Variants in CDC5L observed in about 807,000 individuals in gnomAD.
CDC5L encodes the protein cell division cycle 5-like protein.
A neutral mutation model predicts 104.1 loss-of-function variants in CDC5L; 18 were observed. The ratio of observed to expected loss-of-function variants is 0.17; its 90% CI spans 0.12 to 0.26. The LOEUF (loss-of-function observed/expected upper bound fraction) is 0.26. CDC5L is among the 10% of genes least tolerant of loss of function. The pLI, the probability that CDC5L is intolerant of heterozygous loss-of-function variation, is 1.00. For synonymous variants in CDC5L, 331 were observed against 322.7 expected, an observed-to-expected ratio of 1.03 and a Z score of -0.28; for missense variants, 673 against 956.9, an observed-to-expected ratio of 0.70 and a Z score of 3.91.
chr6:44,399,678 G>A (rs756080045), intron 5 of CDC5L, among the ~76,000 whole-genome samples: 77 of 151,990 alleles, frequency 5.1e-4, no homozygotes, highest in Non-Finnish European at 9.3e-4. Flanking sequence ...TTTTTGAGAC[G>A]GGGTCTTGCT....
chr6:44,394,533 C>T (rs1023149149), intron 4 of CDC5L, among the ~76,000 whole-genome samples: 1 of 152,088 alleles, frequency 6.6e-6, no homozygotes, highest in Non-Finnish European at 1.5e-5. Flanking sequence ...ATGGAATCAA[C>T]CTAAGTGTCC....
intron 8 of CDC5L, among the ~76,000 whole-genome samples, chr6:44,416,360 T>A (rs765816063): frequency 8.5e-5 from 13 of 152,146 alleles, no homozygotes; most frequent in Non-Finnish European, 1.3e-4. Flanking sequence ...TTGTCACTAC[T>A]GTTTCTGTGA....
chr6:44,390,950 TATATATTAA>T (rs1181065824), intron 2 of CDC5L, among the ~76,000 whole-genome samples: 4 of 139,112 alleles, frequency 2.9e-5, no homozygotes, highest in African/African-American at 1.1e-4. Context: ...TGTTATATAT[TATATATTAA>T]ACATATTTAA....
At chr6:44,396,032 T>C (rs1218065489) in intron 4 of CDC5L, among the ~76,000 whole-genome samples, 1 of 152,238 alleles carries the variant, frequency 6.6e-6, no homozygotes, top group Non-Finnish European at 1.5e-5. Context: ...GCTTTACATA[T>C]TTCGTTTTAC....
chr6:44,389,470 T>G (rs1216804847), intron 1 of CDC5L, among the ~76,000 whole-genome samples: 1 of 152,238 alleles, frequency 6.6e-6, no homozygotes, highest in Non-Finnish European at 1.5e-5. Context: ...TAAAATCGCC[T>G]AAGTGCATGC....
At chr6:44,404,311 A>AT (rs1014270390) in intron 6 of CDC5L, among the ~76,000 whole-genome samples, 29 of 150,806 alleles carry the variant, frequency 1.9e-4, no homozygotes, top group South Asian at 6.3e-4. Flanking sequence ...CACCTAGCTA[A>AT]TTTTTTTTTA....
chr6:44,437,093 C>T (rs955801018), intron 14 of CDC5L, among the ~76,000 whole-genome samples: 28 of 152,122 alleles, frequency 1.8e-4, no homozygotes, highest in Non-Finnish European at 1.5e-5. Flanking sequence ...GTCTGATTTT[C>T]CCTTTTTCTT....
chr6:44,426,795 A>T, intron 13 of CDC5L, 71 bp downstream of exon 13: 1 of 1,450,730 alleles, frequency 6.9e-7, no homozygotes. Flanking sequence ...ATGGACAAAT[A>T]ATGAACTTAT....
rs541443531 is a variant in CDC5L, at chr6:44,449,068, T to C, written c.*2357T>C. 2 of 152,374 alleles carry C rather than the reference T, an allele frequency of 1.3e-5. No homozygotes were observed. The highest frequency in any genetic ancestry group is 2.9e-5 in the Non-Finnish European group (2 of 68,032). 9.4% of individuals were successfully genotyped at this position (152,374 alleles called of 1,614,324 possible). A position where few individuals can be genotyped will look rare whatever the true frequency, so the allele number is the denominator to read the frequency against. On this transcript the variant is annotated 3_prime_UTR_variant, in exon 16 of 16. Coordinates refer to ENST00000371477, the MANE Select transcript of CDC5L (RefSeq NM_001253.4). Reference sequence around the variant, plus strand: ...TTTAAAAGAAATTTTAAAGGATTTATAGTTTATTTGCACTTTTTGTAGACT... The same window carrying C: ...TTTAAAAGAAATTTTAAAGGATTTACAGTTTATTTGCACTTTTTGTAGACT...
intron 8 of CDC5L, among the ~76,000 whole-genome samples, chr6:44,413,541 T>G (rs1415927772): frequency 6.6e-6 from 1 of 152,190 alleles, no homozygotes; most frequent in Non-Finnish European, 1.5e-5. Flanking sequence ...TATGTTTAAC[T>G]TTATGAGGAA....
intron 8 of CDC5L, among the ~76,000 whole-genome samples, chr6:44,410,507 G>A (rs1166793958): frequency 6.6e-6 from 1 of 152,174 alleles, no homozygotes; most frequent in East Asian, 1.9e-4. Context: ...TCAAGATCTT[G>A]CATATCTGTT....
rs775979730 is a variant in CDC5L, at chr6:44,424,542, A to T, written c.1528A>T (p.Thr510Ser). ...GCTGGAAGAACGTGAAATAGATGATACTTACATTGAAGATGCTGCTGATGT... is the reference window on the plus strand; with the variant it reads ...GCTGGAAGAACGTGAAATAGATGATTCTTACATTGAAGATGCTGCTGATGT... ...KELEEREIDD[T>S]YIEDAADVDA... The change falls in exon 11 of 16, where the codon ACT (threonine) becomes TCT (serine). Residue 510 changes from threonine to serine, a missense_variant. This residue lies in a region of CDC5L where 578 missense variants were observed against 737.0 expected (regional missense o/e 0.78). Coordinates refer to ENST00000371477, the MANE Select transcript of CDC5L (RefSeq NM_001253.4). The T allele has an allele frequency of 6.2e-7, 1 of 1,614,000 alleles. No homozygotes were observed. Among genetic ancestry groups the T allele is most frequent in the Non-Finnish European group, 8.5e-7 (1 of 1,179,932 alleles).
Position 44,390,255 on chromosome 6 carries a change from C to T in CDC5L, c.46-13C>T, listed in dbSNP as rs911994274. 32 of 1,587,606 alleles carry T rather than the reference C, an allele frequency of 2.0e-5. No individual in the cohort carries two copies. Among genetic ancestry groups the T allele is most frequent in the Non-Finnish European group, 2.7e-5 (31 of 1,156,916 alleles). On this transcript the variant is annotated splice_polypyrimidine_tract_variant and intron_variant, in intron 1 of 15. Coordinates refer to ENST00000371477, the MANE Select transcript of CDC5L (RefSeq NM_001253.4). ...TTTTGTGACTGAATGTACTCTTTGG[C>T]AATTTTTTTTAGGATGAAATTCTGA... is the stretch of plus-strand genomic sequence containing the variant.
At chr6:44,427,026 A>G (rs1792455021) in intron 13 of CDC5L, among the ~76,000 whole-genome samples, 1 of 152,214 alleles carries the variant, frequency 6.6e-6, no homozygotes, top group South Asian at 2.1e-4. Flanking sequence ...CAGCTCTGCT[A>G]TCTCTGAATA....
intron 7 of CDC5L, among the ~76,000 whole-genome samples, chr6:44,408,148 A>G (rs935224476): frequency 3.9e-5 from 6 of 152,198 alleles, no homozygotes; most frequent in African/African-American, 1.4e-4. Context: ...GGAAACTTTC[A>G]AAGCCACAAA....
Position 44,393,544 on chromosome 6 carries a change from C to T in CDC5L, c.410C>T (p.Ala137Val). Residue 137 changes from alanine (A) to valine (V), a missense_variant, in exon 4 of 16, where the codon GCG becomes GTG. Ala to Val is a moderately conservative substitution (Grantham distance 64). Transcript: ENST00000371477. ...GATCCAAATCCAGAAACAAAACCAG[C>T]GCGGCCTGATCCAATTGATATGGAT... Reference protein sequence around the residue: ...EIDPNPETKPARPDPIDMDED... With the variant: ...EIDPNPETKPVRPDPIDMDED... The T allele has an allele frequency of 6.2e-7, 1 of 1,613,860 alleles. No individual in the cohort carries two copies. The highest frequency in any genetic ancestry group is 8.5e-7 in the Non-Finnish European group (1 of 1,179,852).
rs181357790 is a variant in CDC5L at position 44,430,784 on chromosome 6, G to C, written c.2091+874G>C. 1.6e-3 allele frequency among the ~76,000 whole-genome samples: 237 copies of C among 152,178 alleles called. 1 individual carries two copies. The highest frequency in any genetic ancestry group is 3.4e-3 in the Middle Eastern group (1 of 294). On this transcript the variant is annotated intron_variant, in intron 14 of 15. Coordinates refer to ENST00000371477, the MANE Select transcript of CDC5L (RefSeq NM_001253.4). Reference sequence around the variant, plus strand: ...GACAGAGTTTCACCATGTTGGCCAGGATGGTCTTGATCTCTTGACCTCGTG... The same window carrying C: ...GACAGAGTTTCACCATGTTGGCCAGCATGGTCTTGATCTCTTGACCTCGTG...
chr6:44,397,044 A>G (rs1333515183), intron 5 of CDC5L, among the ~76,000 whole-genome samples: 22 of 152,306 alleles, frequency 1.4e-4, no homozygotes, highest in Admixed American at 1.3e-3. Flanking sequence ...GCTTCATTAA[A>G]TAGGCAAGAT....
At chr6:44,395,828 C>T (rs1170571304) in intron 4 of CDC5L, among the ~76,000 whole-genome samples, 1 of 152,048 alleles carries the variant, frequency 6.6e-6, no homozygotes, top group Non-Finnish European at 1.5e-5. Context: ...ATGTATTATT[C>T]CATTCTATAG....
Sources: gnomAD v4.1 joint callset for allele counts (sites outside exome capture counted in the v4.1 genomes callset) on GRCh38, gnomAD v4.1.1 for gene constraint, gnomAD v4.1.1 regional missense constraint, MANE v1.5 for transcripts, NCBI Gene and HGNC (gene_info 2026-07-23, HGNC 2026-07-21) for gene names.